CSMD1: variants seen among roughly 807,000 people sequenced by gnomAD.
CSMD1 encodes the protein CUB and Sushi multiple domains 1, also known as CUB and sushi domain-containing protein 1.
Under a neutral mutation model 417.5 loss-of-function variants are expected in CSMD1, and 213 were observed. That is an observed-to-expected ratio of 0.51 (90% CI 0.46 to 0.57). The LOEUF is 0.57. Among genes scored for constraint, CSMD1 ranks in the 20% least tolerant of loss-of-function variants. The pLI, the probability that CSMD1 is intolerant of heterozygous loss-of-function variation, is 0.00. For synonymous variants in CSMD1, 2,862 were observed against 1,736.8 expected (o/e 1.65, Z -16.11); for missense variants, 6,923 against 4,529.7 (o/e 1.53, Z -15.17).
rs536101611 is a variant in CSMD1 at position 4,788,310 on chromosome 8, G to T, written c.86-150752C>A. 2.2e-5 allele frequency: 35 copies of T among 1,578,876 alleles called. No individual in the cohort carries two copies. In the African/African-American group the frequency reaches 4.0e-4, roughly 18 times the overall value. Reference sequence around the variant, plus strand: ...TGTGGCAGTGGCAGGCAGAAGTAATGGTTTGGGACCAGTGATGTCTGGGAA... The same window carrying T: ...TGTGGCAGTGGCAGGCAGAAGTAATTGTTTGGGACCAGTGATGTCTGGGAA... On this transcript the variant is annotated intron_variant, in intron 1 of 69. Coordinates refer to ENST00000635120, the MANE Select transcript of CSMD1 (RefSeq NM_033225.6).
In CSMD1 at chr8:4,274,754, G is replaced by C. The variant is rs573573585; in HGVS notation, c.415+145199C>G. 5.4e-4 allele frequency among the ~76,000 whole-genome samples: 82 copies of C among 152,182 alleles called. No individual in the cohort carries two copies. The South Asian group carries it at 6.4e-3, about 12-fold the overall frequency. On this transcript the variant is annotated intron_variant, in intron 3 of 69. Coordinates refer to ENST00000635120, the MANE Select transcript of CSMD1 (RefSeq NM_033225.6). ...TGTGTCTAAACTGCCTTGTGATCAGGAGATACGGGATTATTAGAATTTTTT... is the reference window on the plus strand; with the variant it reads ...TGTGTCTAAACTGCCTTGTGATCAGCAGATACGGGATTATTAGAATTTTTT...
At chr8:3,716,812 G>A (rs917291840) in intron 6 of CSMD1, among the ~76,000 whole-genome samples, 5 of 152,118 alleles carry the variant, frequency 3.3e-5, no homozygotes, top group South Asian at 2.1e-4. Flanking sequence ...TCACTTATCC[G>A]ATGGAAGTAT....
At chr8:4,232,387 C>G (rs750380054) in intron 3 of CSMD1, among the ~76,000 whole-genome samples, 2 of 152,076 alleles carry the variant, frequency 1.3e-5, no homozygotes, top group African/African-American at 4.8e-5. Flanking sequence ...TTAGTAGAGA[C>G]GGGGTTTCCC....
intron 3 of CSMD1, among the ~76,000 whole-genome samples, chr8:4,179,557 C>G (rs1798240892): frequency 6.7e-6 from 1 of 150,190 alleles, no homozygotes; most frequent in Non-Finnish European, 1.5e-5. Context: ...GCAATGACAA[C>G]AAAAGACAAA....
At chr8:4,446,400 T>G (rs755085253) in intron 2 of CSMD1, among the ~76,000 whole-genome samples, 3 of 152,014 alleles carry the variant, frequency 2.0e-5, no homozygotes, top group African/African-American at 2.4e-5. Flanking sequence ...CAAACAAAAG[T>G]AGCCATGGGT....
chr8:3,457,537 C>T (rs976025810), intron 12 of CSMD1, among the ~76,000 whole-genome samples: 7 of 152,184 alleles, frequency 4.6e-5, no homozygotes, highest in African/African-American at 1.4e-4. Context: ...CCTGGCCGTT[C>T]CTGGCTTAGA....
chr8:4,691,512 T>C (rs577901434), intron 1 of CSMD1, among the ~76,000 whole-genome samples: 2 of 152,346 alleles, frequency 1.3e-5, no homozygotes, highest in African/African-American at 4.8e-5. Flanking sequence ...TCCCCGCTTC[T>C]GACCTTATGT....
intron 5 of CSMD1, among the ~76,000 whole-genome samples, chr8:3,790,012 T>G (rs1272903573): frequency 1.3e-5 from 2 of 152,184 alleles, no homozygotes; most frequent in Non-Finnish European, 2.9e-5. Flanking sequence ...ATTACAGGCG[T>G]AAGCCACCAT....
At chr8:3,495,790 T>A (rs7843935) in intron 10 of CSMD1, among the ~76,000 whole-genome samples, 1 of 152,134 alleles carries the variant, frequency 6.6e-6, no homozygotes, top group Non-Finnish European at 1.5e-5. Flanking sequence ...TTTAATGACA[T>A]TGAGCCAAAA....
intron 1 of CSMD1, among the ~76,000 whole-genome samples, chr8:4,637,952 G>C (rs1469941660): frequency 1.3e-5 from 2 of 151,290 alleles, no homozygotes; most frequent in African/African-American, 2.4e-5. Context: ...TTACAGGCGT[G>C]AGCCACCGCG....
At chr8:3,714,092 G>GTA (rs1352152867) in intron 6 of CSMD1, among the ~76,000 whole-genome samples, 1 of 150,398 alleles carries the variant, frequency 6.6e-6, no homozygotes, top group African/African-American at 2.4e-5. Context: ...ATATAATCAT[G>GTA]TATATATATA....
intron 1 of CSMD1, among the ~76,000 whole-genome samples, chr8:4,640,078 G>A (rs562686871): frequency 1.3e-5 from 2 of 152,214 alleles, no homozygotes; most frequent in East Asian, 3.8e-4. Flanking sequence ...CTGGAAAGTA[G>A]TTACTGTTAT....
chr8:4,169,454 C>A (rs1307561973), intron 3 of CSMD1, among the ~76,000 whole-genome samples: 1 of 152,142 alleles, frequency 6.6e-6, no homozygotes, highest in Admixed American at 6.5e-5. Flanking sequence ...TAGTTTTCTT[C>A]AACATATCCC....
At chr8:3,858,799 C>T (rs1252842855) in intron 5 of CSMD1, among the ~76,000 whole-genome samples, 1 of 152,056 alleles carries the variant, frequency 6.6e-6, no homozygotes, top group Non-Finnish European at 1.5e-5. Flanking sequence ...TGAATCATTT[C>T]TTCTAATGTT....
chr8:3,633,853 A>C (rs1468901977), intron 7 of CSMD1, among the ~76,000 whole-genome samples: 3 of 152,206 alleles, frequency 2.0e-5, no homozygotes, highest in Non-Finnish European at 4.4e-5. Flanking sequence ...CAGGCTGTGA[A>C]CATCATAGAC....
At chr8:3,747,893 C>T (rs1050226239) in intron 6 of CSMD1, among the ~76,000 whole-genome samples, 1 of 152,090 alleles carries the variant, frequency 6.6e-6, no homozygotes, top group South Asian at 2.1e-4. Flanking sequence ...GGAAGGTCCT[C>T]AGTGTGGCGA....
intron 3 of CSMD1, among the ~76,000 whole-genome samples, chr8:4,118,569 A>C (rs1431472470): frequency 6.6e-6 from 1 of 152,214 alleles, no homozygotes; most frequent in Non-Finnish European, 1.5e-5. Context: ...AAAAATGGCG[A>C]TCATGAAAAA....
chr8:4,255,436 T>C (rs1434848722), intron 3 of CSMD1, among the ~76,000 whole-genome samples: 1 of 152,202 alleles, frequency 6.6e-6, no homozygotes, highest in African/African-American at 2.4e-5. Context: ...GTTTTCTCAC[T>C]TACTTTGAAA....
chr8:2,971,596 T>G (rs1462719743), intron 57 of CSMD1, among the ~76,000 whole-genome samples: 1 of 152,174 alleles, frequency 6.6e-6, no homozygotes, highest in Non-Finnish European at 1.5e-5. Flanking sequence ...TAATGGTTTA[T>G]CCCATAGGAT....
Sources: gnomAD v4.1 joint callset for allele counts (sites outside exome capture counted in the v4.1 genomes callset) on GRCh38, gnomAD v4.1.1 for gene constraint, MANE v1.5 for transcripts, NCBI Gene and HGNC (gene_info 2026-07-23, HGNC 2026-07-21) for gene names.